BIRC6: variants seen among roughly 807,000 people sequenced by gnomAD.
BIRC6 encodes the protein dual E2 ubiquitin-conjugating enzyme/E3 ubiquitin-protein ligase BIRC6.
Under a neutral mutation model 503.3 loss-of-function variants are expected in BIRC6, and 98 were observed. That is an observed-to-expected ratio of 0.19 (90% confidence interval 0.17 to 0.23). The LOEUF is 0.23. Among genes scored for constraint, BIRC6 ranks in the 10% least tolerant of loss-of-function variants. The pLI is 1.00. For missense variants in BIRC6, 5,360 were observed against 5,806.0 expected (o/e 0.92, Z 2.50); for synonymous variants, 2,240 against 2,078.7 (o/e 1.08, Z -2.11).
In BIRC6 at chr2:32,548,009, C is replaced by T; in HGVS notation, c.12970C>T (p.Leu4324=). 1 of 1,594,132 alleles carries T rather than the reference C, an allele frequency of 6.3e-7. No individual in the cohort carries two copies. The highest frequency in any genetic ancestry group is 1.4e-5 in the African/African-American group (1 of 73,778). ...RLEEEHVTCL[L]QVLASYINPV... is the part of the protein sequence containing the mutation. Reference sequence around the variant, plus strand: ...GGAAGAGGAACATGTTACCTGCCTTCTGCAGGTATATTTGTAAACTTGATA... The same window carrying T: ...GGAAGAGGAACATGTTACCTGCCTTTTGCAGGTATATTTGTAAACTTGATA... The change falls in exon 64 of 74, where the codon CTG becomes TTG. Residue 4324 remains leucine (L), a synonymous_variant. Transcript: ENST00000421745.
chr2:32,589,889 C>A (rs2061297437), intron 66 of BIRC6, among the ~76,000 whole-genome samples: 1 of 152,122 alleles, frequency 6.6e-6, no homozygotes, highest in Admixed American at 6.5e-5. Context: ...TTAAAGGCTT[C>A]TTATAACTAT....
At chr2:32,358,876 A>G (rs2033616369) in intron 1 of BIRC6, among the ~76,000 whole-genome samples, 1 of 152,258 alleles carries the variant, frequency 6.6e-6, no homozygotes, top group Non-Finnish European at 1.5e-5. Flanking sequence ...CAGATGTAGC[A>G]GTGAACAGTT....
At chr2:32,612,221 A>G (rs75787359) in intron 73 of BIRC6, among the ~76,000 whole-genome samples, 4,000 of 152,202 alleles carry the variant, frequency 0.026, 112 homozygotes, top group African/African-American at 0.072. Context: ...GCCTTCCAGA[A>G]TTTTATTACT....
At chr2:32,420,026 A>G (rs2042772043) in intron 10 of BIRC6, among the ~76,000 whole-genome samples, 1 of 152,232 alleles carries the variant, frequency 6.6e-6, no homozygotes, top group Admixed American at 6.5e-5. Flanking sequence ...TATCAAATCA[A>G]CTTTGCGTTC....
At chr2:32,571,086 C>G (rs1159450782) in intron 65 of BIRC6, among the ~76,000 whole-genome samples, 2 of 152,144 alleles carry the variant, frequency 1.3e-5, no homozygotes, top group Non-Finnish European at 2.9e-5. Flanking sequence ...GTTGGGATTA[C>G]AGGTGTGAAC....
chr2:32,574,931 A>G, intron 65 of BIRC6: 1 of 543,628 alleles, frequency 1.8e-6, no homozygotes, highest in Non-Finnish European at 3.3e-6. Flanking sequence ...TATTCTTAGT[A>G]GAGACAGGGT....
In BIRC6 at chr2:32,531,342, A is replaced by C. The variant is rs773186892; in HGVS notation, c.12095-13A>C. The stretch of plus-strand genomic sequence containing the variant: ...TTTCTTACCTATTCAGTTATTTGTA[A>C]TTTATTGTCTAGATCATGGAGACTT... On this transcript the variant is annotated splice_polypyrimidine_tract_variant and intron_variant, in intron 60 of 73. Coordinates refer to ENST00000421745, the MANE Select transcript of BIRC6 (RefSeq NM_016252.4). 7.5e-6 allele frequency: 12 copies of C among 1,589,896 alleles called. No homozygotes were observed. The highest frequency in any genetic ancestry group is 2.6e-6 in the Non-Finnish European group (3 of 1,167,028).
At chr2:32,506,927 A>G (rs1197764923) in intron 50 of BIRC6, among the ~76,000 whole-genome samples, 1 of 152,184 alleles carries the variant, frequency 6.6e-6, no homozygotes, top group African/African-American at 2.4e-5. Flanking sequence ...ACTGTCTAGT[A>G]ATCAGTGTAA....
intron 22 of BIRC6, among the ~76,000 whole-genome samples, chr2:32,453,347 G>A (rs942270129): frequency 6.6e-6 from 1 of 151,862 alleles, no homozygotes; most frequent in Admixed American, 6.6e-5. Flanking sequence ...TTAATATTTT[G>A]AAATGTTCAT....
chr2:32,383,379 A>G (rs1468649026), intron 3 of BIRC6, among the ~76,000 whole-genome samples: 2 of 152,190 alleles, frequency 1.3e-5, no homozygotes, highest in Non-Finnish European at 1.5e-5. Flanking sequence ...AAGAGGATGT[A>G]TAATAGTCAA....
In BIRC6 at chr2:32,435,495, G is replaced by C; in HGVS notation, c.3410-1G>C. ...GCAGATCACCTTTCCTTTGTCTCCAGCTCTTAACATTGAAGTGGAACAAAA... is the reference window on the plus strand; with the variant it reads ...GCAGATCACCTTTCCTTTGTCTCCACCTCTTAACATTGAAGTGGAACAAAA... On this transcript the variant is annotated splice_acceptor_variant, in intron 13 of 73. Coordinates refer to ENST00000421745, the MANE Select transcript of BIRC6 (RefSeq NM_016252.4). LOFTEE classifies it high-confidence loss of function. 3 of 1,551,568 alleles carry C rather than the reference G, an allele frequency of 1.9e-6. No homozygotes were observed. Among genetic ancestry groups the C allele is most frequent in the African/African-American group, 1.4e-5 (1 of 73,216 alleles).
At position 32,617,839 on chromosome 2, in the gene BIRC6, A is replaced by T; in HGVS notation, c.14509A>T (p.Thr4837Ser). ...VCRATTGAEETLMHDQVKPSS... is the reference protein window; with the variant it reads ...VCRATTGAEESLMHDQVKPSS... ...CAGAGCCACAACAGGTGCTGAGGAG[A>T]CTCTAATGCATGATCAGGTTAAACC... The change falls in exon 74 of 74, where the codon ACT becomes TCT. Residue 4837 changes from threonine (T) to serine (S), a missense_variant. Transcript: ENST00000421745. 1 of 1,613,774 alleles carries T rather than the reference A, an allele frequency of 6.2e-7. No homozygotes were observed. The highest frequency in any genetic ancestry group is 1.7e-4 in the Middle Eastern group (1 of 6,060).
chr2:32,510,377 C>T, intron 52 of BIRC6, 149 bp from the exon 53 acceptor site: 1 of 620,736 alleles, frequency 1.6e-6, no homozygotes, highest in East Asian at 2.7e-5. Flanking sequence ...CTGCACCCAG[C>T]CTAGTTTCAT....
chr2:32,482,413 T>C lies in BIRC6; in HGVS notation c.7543-16T>C, dbSNP rs1157300757. 10 of 1,605,030 alleles carry C rather than the reference T, an allele frequency of 6.2e-6. No individual in the cohort carries two copies. The highest frequency in any genetic ancestry group is 8.5e-6 in the Non-Finnish European group (10 of 1,174,694). On this transcript the variant is annotated splice_polypyrimidine_tract_variant and intron_variant, in intron 38 of 73. Transcript: ENST00000421745. The stretch of plus-strand genomic sequence containing the variant: ...GAGGCAAAAATAAACCACAGTTTTT[T>C]TTCCATTCTTTTAAGCCAATAAGCA...
At position 32,492,799 on chromosome 2, in the gene BIRC6, G is replaced by A. The variant is rs530950953; in HGVS notation, c.8341-741G>A. On this transcript the variant is annotated intron_variant, in intron 44 of 73. Coordinates refer to ENST00000421745, the MANE Select transcript of BIRC6 (RefSeq NM_016252.4). Reference sequence around the variant, plus strand: ...ACGAAAGCTATAATTTGTATGCTCAGTATCAGAAATTAACTTTATTTAACT... The same window carrying A: ...ACGAAAGCTATAATTTGTATGCTCAATATCAGAAATTAACTTTATTTAACT... Among the ~76,000 whole-genome samples the A allele has an allele frequency of 1.1e-3, 174 of 152,082 alleles. 1 individual carries two copies. Among genetic ancestry groups the A allele is most frequent in the African/African-American group, 4.0e-3 (166 of 41,546 alleles).
chr2:32,559,720 T>TAA (rs371576069), intron 65 of BIRC6, among the ~76,000 whole-genome samples: 8 of 138,040 alleles, frequency 5.8e-5, no homozygotes, highest in Non-Finnish European at 7.9e-5. Flanking sequence ...TCAAAATCTT[T>TAA]AAAAAAAAAA....
At chr2:32,607,180 T>A (rs986952235) in intron 71 of BIRC6, among the ~76,000 whole-genome samples, 8 of 85,780 alleles carry the variant, frequency 9.3e-5, no homozygotes, top group Admixed American at 1.0e-4. Context: ...TTCATATCTA[T>A]TATTATTATT....
intron 45 of BIRC6, among the ~76,000 whole-genome samples, chr2:32,495,441 C>G (rs1371820581): frequency 6.6e-6 from 1 of 152,082 alleles, no homozygotes; most frequent in Non-Finnish European, 1.5e-5. Flanking sequence ...TGTGAAAGAT[C>G]CAGCAGCTCT....
intron 45 of BIRC6, among the ~76,000 whole-genome samples, chr2:32,497,561 C>G (rs2052622109): frequency 6.6e-6 from 1 of 152,130 alleles, no homozygotes; most frequent in East Asian, 1.9e-4. Flanking sequence ...CAGGTTTTCT[C>G]TTCTTGATTG....
Sources: allele counts gnomAD v4.1 joint callset (sites outside exome capture counted in the v4.1 genomes callset), GRCh38; gene constraint gnomAD v4.1.1; transcripts MANE v1.5; gene names NCBI Gene and HGNC (gene_info 2026-07-23, HGNC 2026-07-21).